COL22A1: variants seen among roughly 807,000 people sequenced by gnomAD.
The protein encoded by COL22A1 is collagen alpha-1(XXII) chain.
COL22A1 carries 221 observed loss-of-function variants against 248.9 expected under a neutral mutation model. The observed-to-expected ratio is 0.89, with a 90% CI of 0.80 to 0.99. The LOEUF is 0.99. Ranked by LOEUF, COL22A1 falls within the 50% of genes least tolerant of loss-of-function variation. The probability of loss-of-function intolerance (pLI) is 0.00; values close to 1 mark genes in which losing one functional copy is unlikely to be tolerated. For missense variants in COL22A1, 2,240 were observed against 2,179.0 expected, an observed-to-expected ratio of 1.03 and a Z score of -0.56; for synonymous variants, 891 against 793.4, an observed-to-expected ratio of 1.12 and a Z score of -2.07.
At chr8:138,646,446 C>T (rs1425080955) in intron 47 of COL22A1, among the ~76,000 whole-genome samples, 183 bp downstream of exon 47, 2 of 152,142 alleles carry the variant, frequency 1.3e-5, no homozygotes, top group East Asian at 3.9e-4. Context: ...AACTGGGATT[C>T]CACACATTGA....
chr8:138,805,993 G>GGT (rs1215810832), intron 10 of COL22A1, among the ~76,000 whole-genome samples: 5 of 67,210 alleles, frequency 7.4e-5, no homozygotes, highest in Non-Finnish European at 1.4e-4. Flanking sequence ...TGTGTGTGAT[G>GGT]GTGTGTGTGT....
chr8:138,715,661 A>C (rs1470463813), intron 30 of COL22A1, 21 bp downstream of exon 30: 2 of 1,598,206 alleles, frequency 1.3e-6, no homozygotes, highest in Middle Eastern at 1.7e-4. Context: ...GATGGTCAGA[A>C]TGAGAGCAAG....
intron 1 of COL22A1, among the ~76,000 whole-genome samples, chr8:138,890,804 G>T (rs1015602721): frequency 6.6e-5 from 10 of 152,138 alleles, no homozygotes; most frequent in African/African-American, 2.2e-4. Flanking sequence ...CCTGAGCTCA[G>T]GAGTTCGAGA....
At chr8:138,692,137 CAT>C (rs1329203258) in intron 35 of COL22A1, among the ~76,000 whole-genome samples, 2 of 77,402 alleles carry the variant, frequency 2.6e-5, no homozygotes, top group African/African-American at 1.1e-4. Flanking sequence ...TACGTGTGTG[CAT>C]GTTTGTGGTG....
At chr8:138,690,670 G>T in intron 36 of COL22A1, 151 bp downstream of exon 36, 2 of 558,056 alleles carry the variant, frequency 3.6e-6, no homozygotes, top group Non-Finnish European at 6.0e-6. Context: ...TTTCTGGGTG[G>T]TCTATGTCAG....
At chr8:138,669,610 T>G (rs1317772013) in intron 41 of COL22A1, among the ~76,000 whole-genome samples, 1 of 152,070 alleles carries the variant, frequency 6.6e-6, no homozygotes, top group African/African-American at 2.4e-5. Flanking sequence ...ACTAGCAGAG[T>G]GACCAAGGCC....
chr8:138,748,288 C>A (rs1455811055), intron 22 of COL22A1, among the ~76,000 whole-genome samples: 1 of 152,202 alleles, frequency 6.6e-6, no homozygotes, highest in Non-Finnish European at 1.5e-5. Flanking sequence ...TGTTTATATG[C>A]ACTGAGCTCC....
intron 52 of COL22A1, among the ~76,000 whole-genome samples, chr8:138,620,983 AT>A (rs1819747428): frequency 5.4e-5 from 7 of 130,592 alleles, no homozygotes; most frequent in South Asian, 2.9e-4. Flanking sequence ...CCATCCATCC[AT>A]CCATCCATCC....
chr8:138,700,800 T>G (rs888791906), intron 31 of COL22A1, among the ~76,000 whole-genome samples: 2 of 152,022 alleles, frequency 1.3e-5, no homozygotes, highest in African/African-American at 4.8e-5. Flanking sequence ...CTGGCTAACA[T>G]GGTGAAACCC....
At chr8:138,659,412 C>T (rs2130654625) in intron 44 of COL22A1, among the ~76,000 whole-genome samples, 1 of 152,312 alleles carries the variant, frequency 6.6e-6, no homozygotes, top group Middle Eastern at 3.4e-3. Context: ...AAGAGATAGG[C>T]AGCCTCTCAG....
rs1825376167 is a variant in COL22A1 at position 138,895,853 on chromosome 8, T to C, written c.-72-12609A>G. ...AAACCCAAAGAAATTTATGCTTAAATACATCATAATCAAACTTCTGAAAAC... is the reference window on the plus strand; with the variant it reads ...AAACCCAAAGAAATTTATGCTTAAACACATCATAATCAAACTTCTGAAAAC... On this transcript the variant is annotated intron_variant, in intron 1 of 64. Coordinates refer to ENST00000303045, the MANE Select transcript of COL22A1 (RefSeq NM_152888.3). Among the ~76,000 whole-genome samples, 3 of 152,338 alleles carry C rather than the reference T, an allele frequency of 2.0e-5. No homozygotes were observed. In the South Asian group the frequency reaches 6.2e-4, roughly 32 times the overall value.
At chr8:138,755,562 A>G (rs749134469) in intron 19 of COL22A1, 51 bp from the exon 20 acceptor site, 1 of 1,597,914 alleles carries the variant, frequency 6.3e-7, no homozygotes, top group East Asian at 2.2e-5. Context: ...CCGCAACCAC[A>G]GTCAACCTCT....
intron 49 of COL22A1, 36 bp downstream of exon 49, chr8:138,634,974 G>A (rs778434969): frequency 1.4e-6 from 2 of 1,419,580 alleles, no homozygotes; most frequent in South Asian, 1.2e-5. Context: ...CAAATGTCAA[G>A]GCCGAAAGAG....
intron 48 of COL22A1, among the ~76,000 whole-genome samples, chr8:138,636,409 T>G (rs7464337): frequency 0.031 from 4,636 of 150,500 alleles, 222 homozygotes; most frequent in African/African-American, 0.11. Context: ...GGGGAATTTT[T>G]TAATGAGTGT....
intron 5 of COL22A1, among the ~76,000 whole-genome samples, chr8:138,829,820 A>G (rs1819890786): frequency 6.6e-6 from 1 of 152,278 alleles, no homozygotes; most frequent in Non-Finnish European, 1.5e-5. Context: ...CCTTTGAAAT[A>G]CACACAGACA....
intron 23 of COL22A1, among the ~76,000 whole-genome samples, chr8:138,725,982 G>C (rs892141287): frequency 6.6e-6 from 1 of 152,188 alleles, no homozygotes; most frequent in Non-Finnish European, 1.5e-5. Context: ...GTTCCCCCGT[G>C]ATTCTATGGA....
chr8:138,741,975 T>C (rs1047878749), intron 22 of COL22A1, among the ~76,000 whole-genome samples: 1 of 144,314 alleles, frequency 6.9e-6, no homozygotes, highest in African/African-American at 2.6e-5. Flanking sequence ...ATGGTGATGG[T>C]AGAGTTGATG....
chr8:138,627,228 G>A (rs1407529707), intron 50 of COL22A1, among the ~76,000 whole-genome samples: 2 of 152,160 alleles, frequency 1.3e-5, no homozygotes, highest in African/African-American at 4.8e-5. Flanking sequence ...TATTGATAAT[G>A]GAGCTTCCTG....
At chr8:138,805,723 T>G (rs992629598) in intron 10 of COL22A1, among the ~76,000 whole-genome samples, 2 of 138,120 alleles carry the variant, frequency 1.4e-5, no homozygotes, top group East Asian at 2.3e-4. Flanking sequence ...GATGGTGTAG[T>G]GATGGTGTGT....
Sources: allele counts gnomAD v4.1 joint callset (sites outside exome capture counted in the v4.1 genomes callset), GRCh38; gene constraint gnomAD v4.1.1; transcripts MANE v1.5; gene names NCBI Gene and HGNC (gene_info 2026-07-23, HGNC 2026-07-21).